INSIG2: variants seen among roughly 807,000 people sequenced by gnomAD.
INSIG2 encodes the protein insulin-induced gene 2 protein.
In INSIG2, 10 loss-of-function variants were observed where a neutral mutation model predicts 27.2. That is an observed-to-expected ratio of 0.37 (90% CI 0.23 to 0.62). The LOEUF is 0.62. INSIG2 is among the 20% of genes least tolerant of loss of function. The probability of loss-of-function intolerance (pLI) is 0.65; values close to 1 mark genes in which losing one functional copy is unlikely to be tolerated. For missense variants in INSIG2, 178 were observed against 270.2 expected, an observed-to-expected ratio of 0.66 and a Z score of 2.39; for synonymous variants, 97 against 95.8, an observed-to-expected ratio of 1.01 and a Z score of -0.07.
rs114708153 is a variant in INSIG2 at position 118,092,176 on chromosome 2, G to A, written c.-139+3635G>A. 2.2e-3 allele frequency among the ~76,000 whole-genome samples: 337 copies of A among 152,146 alleles called. 1 individual carries two copies. The highest frequency in any genetic ancestry group is 7.5e-3 in the African/African-American group (312 of 41,508). ...AATCACAAACAGAAACAAATGATAC[G>A]CTGTCTCAATGTGGGTTACTCAAAG... is the stretch of plus-strand genomic sequence containing the variant. On this transcript the variant is annotated intron_variant, in intron 1 of 5. Transcript: ENST00000245787.
chr2:118,088,568 G>T, intron 1 of INSIG2, 27 bp downstream of exon 1: 1 of 152,998 alleles, frequency 6.5e-6, no homozygotes, highest in South Asian at 2.1e-4. Flanking sequence ...CCGGCGAAGC[G>T]CGGGTGACGT....
In INSIG2 at chr2:118,108,168, AAATG is replaced by A. The variant is rs377147706; in HGVS notation, c.637-112_637-109del. The A allele has an allele frequency of 1.1e-3, 686 of 639,710 alleles. 8 individuals are homozygous for A. The African/African-American group carries it at 0.012, about 11-fold the overall frequency. 39.6% of individuals were successfully genotyped at this position (639,710 alleles called of 1,614,324 possible). ...GTAACTCTTGGATTATTTGAGGAATAAATGGGCACATAGTAATAAAATGTTCATT... is the reference window on the plus strand; with the variant it reads ...GTAACTCTTGGATTATTTGAGGAATAGGCACATAGTAATAAAATGTTCATT... On this transcript the variant is annotated intron_variant, in intron 5 of 5. Coordinates refer to ENST00000245787, the MANE Select transcript of INSIG2 (RefSeq NM_016133.4).
At chr2:118,106,940 C>T (rs1464538744) in intron 4 of INSIG2, 37 bp downstream of exon 4, 2 of 1,602,288 alleles carry the variant, frequency 1.2e-6, no homozygotes, top group Admixed American at 3.3e-5. Context: ...TGCTTGTTTG[C>T]TAGATAAATA....
At chr2:118,107,330 T>C in intron 5 of INSIG2, 141 bp downstream of exon 5, 1 of 629,080 alleles carries the variant, frequency 1.6e-6, no homozygotes, top group East Asian at 2.7e-5. Flanking sequence ...ATAAATCATT[T>C]GGAAGAATTT....
At chr2:118,098,525 C>T (rs1004837421) in intron 2 of INSIG2, among the ~76,000 whole-genome samples, 2 of 152,142 alleles carry the variant, frequency 1.3e-5, no homozygotes, top group African/African-American at 4.8e-5. Flanking sequence ...CACACTTTTC[C>T]CCCTACTCAG....
intron 3 of INSIG2, 27 bp downstream of exon 3, chr2:118,103,348 A>G (rs1678596028): frequency 2.5e-6 from 4 of 1,580,128 alleles, no homozygotes; most frequent in East Asian, 4.5e-5. Flanking sequence ...AATGAAATGC[A>G]TAATAACAAA....
chr2:118,101,997 T>C (rs1337686569), intron 2 of INSIG2, among the ~76,000 whole-genome samples: 1 of 152,170 alleles, frequency 6.6e-6, no homozygotes, highest in African/African-American at 2.4e-5. Context: ...TTGATACTAA[T>C]TGGTTTCTGT....
intron 2 of INSIG2, among the ~76,000 whole-genome samples, chr2:118,098,707 A>T (rs887881060): frequency 6.6e-6 from 1 of 152,194 alleles, no homozygotes; most frequent in African/African-American, 2.4e-5. Context: ...CTTTAATGTC[A>T]GCACTTTTGC....
At chr2:118,093,025 G>T in intron 1 of INSIG2, among the ~76,000 whole-genome samples, 1 of 144,876 alleles carries the variant, frequency 6.9e-6, no homozygotes, top group Non-Finnish European at 1.5e-5. Context: ...TGAGGAGGAG[G>T]AGGAGGAGGA....
rs557020678 is a variant in INSIG2 at position 118,107,864 on chromosome 2, G to A, written c.637-417G>A. 2.0e-4 allele frequency among the ~76,000 whole-genome samples: 30 copies of A among 152,164 alleles called. No homozygotes were observed. In the South Asian group the frequency reaches 4.1e-3, roughly 21 times the overall value. On this transcript the variant is annotated intron_variant, in intron 5 of 5. Transcript: ENST00000245787. The stretch of plus-strand genomic sequence containing the variant: ...CAGATTTTTTCCTTTATATCATATA[G>A]CAATTTGAAAATACAGTGATCTGAG...
At position 118,108,940 on chromosome 2, in the gene INSIG2, C is replaced by T. The variant is rs1011428002; in HGVS notation, c.*618C>T. ...AACTTCTGGTTTCAAACCTGCGTTA[C>T]TGGAGACAGCCCAAAGAGTAATTTT... On this transcript the variant is annotated 3_prime_UTR_variant, in exon 6 of 6. Coordinates refer to ENST00000245787, the MANE Select transcript of INSIG2 (RefSeq NM_016133.4). 1 of 152,150 alleles carries T rather than the reference C, an allele frequency of 6.6e-6. No individual in the cohort carries two copies. Among genetic ancestry groups the T allele is most frequent in the African/African-American group, 2.4e-5 (1 of 41,442 alleles). 9.4% of individuals were successfully genotyped at this position (152,150 alleles called of 1,614,324 possible).
At chr2:118,093,666 G>T (rs867621367) in intron 1 of INSIG2, among the ~76,000 whole-genome samples, 94 of 70,492 alleles carry the variant, frequency 1.3e-3, no homozygotes, top group Middle Eastern at 0.013. Context: ...ATGATGATGA[G>T]GAGGAGGAGG....
intron 5 of INSIG2, among the ~76,000 whole-genome samples, chr2:118,107,511 G>T (rs1678702975): frequency 6.6e-6 from 1 of 152,132 alleles, no homozygotes; most frequent in Non-Finnish European, 1.5e-5. Context: ...AGTTAAAAAG[G>T]TCACTACTAA....
intron 1 of INSIG2, among the ~76,000 whole-genome samples, chr2:118,092,651 A>C (rs889904148): frequency 3.3e-5 from 5 of 152,218 alleles, no homozygotes; most frequent in African/African-American, 1.2e-4. Context: ...TCATGTGACC[A>C]TAAGCAAATT....
intron 3 of INSIG2, among the ~76,000 whole-genome samples, chr2:118,105,358 A>G (rs1334188703): frequency 6.6e-6 from 1 of 152,156 alleles, no homozygotes; most frequent in Non-Finnish European, 1.5e-5. Flanking sequence ...CACTATTTTA[A>G]GATTGATATA....
chr2:118,106,340 G>A (rs1016125917), intron 3 of INSIG2, among the ~76,000 whole-genome samples: 7 of 152,178 alleles, frequency 4.6e-5, no homozygotes, highest in Admixed American at 3.9e-4. Context: ...AGTAATATTG[G>A]TTTCCTTTTT....
chr2:118,096,518 A>AT lies in INSIG2; in HGVS notation c.-26dup, dbSNP rs58018715. 226,057 of 1,245,756 alleles carry AT rather than the reference A, an allele frequency of 0.18. 2,166 individuals are homozygous for AT. Among genetic ancestry groups the AT allele is most frequent in the East Asian group, 0.31 (12,295 of 40,306 alleles). The allele number at this position is 1,245,756 out of a possible 1,614,324, so 77.2% of individuals were successfully genotyped here. A position where few individuals can be genotyped will look rare whatever the true frequency, so the allele number is the denominator to read the frequency against. ...AGCTTTTCAGCTGGGAAGCCTTTCC[A>AT]TTTTTTTTTTTTTAACGGCTTTCTG... is the stretch of plus-strand genomic sequence containing the variant. On this transcript the variant is annotated 5_prime_UTR_variant, in exon 2 of 6. Transcript: ENST00000245787.
Position 118,096,608 on chromosome 2 carries a change from A to G in INSIG2, c.52A>G (p.Ile18Val), listed in dbSNP as rs913313376. ...TGGGCCCAAAAAGTGTGGCCCATATATTTCATCTGTCACTAGCCAGAGTGT... is the reference window on the plus strand; with the variant it reads ...TGGGCCCAAAAAGTGTGGCCCATATGTTTCATCTGTCACTAGCCAGAGTGT... ...SPGPKKCGPY[I>V]SSVTSQSVNL... is the part of the protein sequence containing the mutation. The change falls in exon 2 of 6, where the codon ATT becomes GTT. Residue 18 changes from isoleucine (I) to valine (V), a missense_variant. Ile to Val is a conservative substitution (Grantham distance 29, BLOSUM62 3). Transcript: ENST00000245787. 1.9e-6 allele frequency: 3 copies of G among 1,613,778 alleles called. No homozygotes were observed. Among genetic ancestry groups the G allele is most frequent in the Middle Eastern group, 1.7e-4 (1 of 6,060 alleles).
rs555680929 is a variant in INSIG2 at position 118,089,478 on chromosome 2, C to CA, written c.-139+938dup. The stretch of plus-strand genomic sequence containing the variant: ...TGCAGAAAAAATAAAAGCAGCCAGA[C>CA]AGTAGCTAGATGGTGTTTTGTAACT... On this transcript the variant is annotated intron_variant, in intron 1 of 5. Coordinates refer to ENST00000245787, the MANE Select transcript of INSIG2 (RefSeq NM_016133.4). 3.1e-3 allele frequency among the ~76,000 whole-genome samples: 472 copies of CA among 152,206 alleles called. 2 individuals carry two copies. Among genetic ancestry groups the CA allele is most frequent in the African/African-American group, 0.011 (446 of 41,506 alleles).
Sources: allele counts gnomAD v4.1 joint callset (sites outside exome capture counted in the v4.1 genomes callset), GRCh38; gene constraint gnomAD v4.1.1; transcripts MANE v1.5; gene names NCBI Gene and HGNC (gene_info 2026-07-23, HGNC 2026-07-21).